The following STS variants were observed in gnomAD, a reference collection of about 807,000 sequenced individuals.
The protein encoded by STS is steroid sulfatase, also known as steryl-sulfatase.
A neutral mutation model predicts 26.8 loss-of-function variants in STS; 7 were observed. The observed-to-expected ratio is 0.26, with a 90% CI of 0.15 to 0.49. The LOEUF (loss-of-function observed/expected upper bound fraction) is 0.49. Among genes scored for constraint, STS ranks in the 20% least tolerant of loss-of-function variants. The pLI is 0.98. For synonymous variants in STS, 199 were observed against 189.4 expected, an observed-to-expected ratio of 1.05 and a Z score of -0.42; for missense variants, 434 against 465.6, an observed-to-expected ratio of 0.93 and a Z score of 0.63.
At chrX:7,278,072 T>C (rs1414912247) in intron 7 of STS, among the ~76,000 whole-genome samples, 1 of 112,514 alleles carries the variant, frequency 8.9e-6, no homozygotes, top group African/African-American at 3.2e-5. Context: ...CTAGTTCCTC[T>C]AAAGTATTTG....
intron 2 of STS, among the ~76,000 whole-genome samples, chrX:7,245,410 A>G (rs773743351): frequency 5.3e-5 from 6 of 112,259 alleles, no homozygotes; most frequent in Non-Finnish European, 1.1e-4. Flanking sequence ...CAGAATAAAC[A>G]TACATTTTTG....
rs1397548296 is a variant in STS at position 7,237,920 on chromosome X, A to G, written c.-4-15276A>G. Among the ~76,000 whole-genome samples, 6 of 111,307 alleles carry G rather than the reference A, an allele frequency of 5.4e-5. No homozygotes were observed. In the Admixed American group the frequency reaches 5.7e-4, roughly 11 times the overall value. Reference sequence around the variant, plus strand: ...ACTCATTGTATATCTCTCCCTTATAAGTGAGAACATGAGATTTTTTACTTT... The same window carrying G: ...ACTCATTGTATATCTCTCCCTTATAGGTGAGAACATGAGATTTTTTACTTT... On this transcript the variant is annotated intron_variant, in intron 2 of 10. Coordinates refer to ENST00000674429, the MANE Select transcript of STS (RefSeq NM_001320752.2).
chrX:7,253,795 G>A (rs747272106), intron 3 of STS, among the ~76,000 whole-genome samples: 5 of 111,893 alleles, frequency 4.5e-5, no homozygotes, highest in East Asian at 2.8e-4. Context: ...CTACCCTGTC[G>A]TCAGCTATGC....
intron 2 of STS, among the ~76,000 whole-genome samples, chrX:7,231,265 C>T (rs759908050): frequency 3.6e-5 from 4 of 112,080 alleles, no homozygotes; most frequent in Non-Finnish European, 7.5e-5. Flanking sequence ...ATGAGATACA[C>T]CTGACAGTTG....
At chrX:7,296,111 C>T (rs1285909826) in intron 7 of STS, among the ~76,000 whole-genome samples, 1 of 111,695 alleles carries the variant, frequency 9.0e-6, no homozygotes, top group African/African-American at 3.3e-5. Context: ...TCCTCCCTCC[C>T]TTGTGGCTCA....
chrX:7,345,952 C>G (rs1403098552), intron 10 of STS, among the ~76,000 whole-genome samples: 1 of 112,096 alleles, frequency 8.9e-6, no homozygotes, highest in African/African-American at 3.2e-5. Flanking sequence ...AGGGCTCCCA[C>G]TTCCTGTGGC....
At chrX:7,333,684 C>T in intron 9 of STS, among the ~76,000 whole-genome samples, 1 of 112,675 alleles carries the variant, frequency 8.9e-6, no homozygotes, top group Non-Finnish European at 1.9e-5. Flanking sequence ...AGCTGGATTT[C>T]AATCCCATCA....
chrX:7,322,417 C>G (rs1432274892), intron 8 of STS, among the ~76,000 whole-genome samples: 1 of 111,847 alleles, frequency 8.9e-6, no homozygotes, highest in East Asian at 2.8e-4. Context: ...TTTTTCTTTT[C>G]TGAGACAGAT....
At chrX:7,290,334 C>T (rs1242356856) in intron 7 of STS, among the ~76,000 whole-genome samples, 1 of 111,326 alleles carries the variant, frequency 9.0e-6, no homozygotes, top group Admixed American at 9.6e-5. Context: ...CCTGTTGTCA[C>T]GCTGCCGCTG....
At chrX:7,244,932 T>C (rs1922794382) in intron 2 of STS, among the ~76,000 whole-genome samples, 1 of 112,161 alleles carries the variant, frequency 8.9e-6, no homozygotes, top group African/African-American at 3.2e-5. Flanking sequence ...CAGTGCTTGG[T>C]ACATACTAAG....
At chrX:7,204,466 CCCCTTCTTTCCTTCCTCCCT>C (rs1349460119) in intron 2 of STS, among the ~76,000 whole-genome samples, 1 of 107,953 alleles carries the variant, frequency 9.3e-6, no homozygotes, top group Non-Finnish European at 1.9e-5. Context: ...TCTGTTGATT[CCCCTTCTTTCCTTCCTCCCT>C]CCCTTCCTTC....
At chrX:7,184,997 G>T (rs930777586) in intron 1 of STS, among the ~76,000 whole-genome samples, 1 of 111,832 alleles carries the variant, frequency 8.9e-6, no homozygotes, top group East Asian at 2.8e-4. Context: ...TGGTTGCTTC[G>T]GCTTTTTGAG....
intron 2 of STS, among the ~76,000 whole-genome samples, chrX:7,216,178 A>T (rs1402961828): frequency 1.2e-4 from 13 of 112,026 alleles, no homozygotes; most frequent in African/African-American, 4.2e-4. Context: ...ATCTTAAGAG[A>T]TGGAGCAGAC....
intron 1 of STS, among the ~76,000 whole-genome samples, chrX:7,167,836 C>T (rs1464458152): frequency 9.0e-6 from 1 of 111,104 alleles, no homozygotes; most frequent in Non-Finnish European, 1.9e-5. Flanking sequence ...TACAAGTACT[C>T]ACCACCATGC....
At chrX:7,204,714 C>T (rs115022832) in intron 2 of STS, among the ~76,000 whole-genome samples, 1,560 of 101,541 alleles carry the variant, frequency 0.015, 34 homozygotes, top group African/African-American at 0.051. Context: ...TTCATTCCTT[C>T]ATTTTTCCTT....
At chrX:7,173,568 G>A (rs1179253371) in intron 1 of STS, among the ~76,000 whole-genome samples, 1 of 112,202 alleles carries the variant, frequency 8.9e-6, no homozygotes, top group African/African-American at 3.2e-5. Flanking sequence ...CAGTGTAAAA[G>A]TGTTCCTACA....
intron 1 of STS, among the ~76,000 whole-genome samples, chrX:7,166,082 G>A (rs867573214): frequency 3.8e-5 from 4 of 104,195 alleles, no homozygotes; most frequent in Non-Finnish European, 7.8e-5. Flanking sequence ...ATTACGGCTC[G>A]CTGCACCCTC....
chrX:7,199,125 A>G (rs1460972612), intron 2 of STS, among the ~76,000 whole-genome samples: 1 of 111,831 alleles, frequency 8.9e-6, no homozygotes, highest in Non-Finnish European at 1.9e-5. Flanking sequence ...AGTGAGTTCT[A>G]TAGAAAGTTC....
At chrX:7,183,676 T>C (rs1456864947) in intron 1 of STS, among the ~76,000 whole-genome samples, 2 of 112,400 alleles carry the variant, frequency 1.8e-5, no homozygotes, top group African/African-American at 6.5e-5. Flanking sequence ...TTCCATTCTT[T>C]TTGAGATTTC....
Sources: allele counts gnomAD v4.1 joint callset (sites outside exome capture counted in the v4.1 genomes callset), GRCh38; gene constraint gnomAD v4.1.1; transcripts MANE v1.5; gene names NCBI Gene and HGNC (gene_info 2026-07-23, HGNC 2026-07-21).